DDB1: variants seen among roughly 807,000 people sequenced by gnomAD.
The protein encoded by DDB1 is DNA damage-binding protein 1.
DDB1 carries 18 observed loss-of-function variants against 133.1 expected under a neutral mutation model. The ratio of observed to expected loss-of-function variants is 0.14; its 90% CI spans 0.09 to 0.20. DDB1 has a LOEUF of 0.20. Ranked by LOEUF, DDB1 falls within the 10% of genes least tolerant of loss-of-function variation. DDB1 has a pLI of 1.00. For missense variants in DDB1, 828 were observed against 1,459.2 expected (o/e 0.57, Z 7.05); for synonymous variants, 580 against 550.5 (o/e 1.05, Z -0.75).
Position 61,314,247 on chromosome 11 carries a change from A to G in DDB1, c.1590-37T>C, listed in dbSNP as rs767138012. 8.2e-6 allele frequency: 13 copies of G among 1,590,752 alleles called. No homozygotes were observed. In the South Asian group the frequency reaches 1.3e-4, roughly 15 times the overall value. On this transcript the variant is annotated intron_variant, in intron 13 of 26. Transcript: ENST00000301764. ...AGAATATGGCAGAGGAAGGAATCCA[A>G]GGCTCAAAGAAGTCCTAGAGAAAAG...
At chr11:61,300,246 T>A in intron 26 of DDB1, 27 bp from the exon 27 acceptor site, 1 of 1,610,832 alleles carries the variant, frequency 6.2e-7, no homozygotes, top group East Asian at 2.2e-5. Context: ...GGCGGGGCTG[T>A]GAGGACCAAG....
At chr11:61,304,820 G>C (rs923153663) in intron 21 of DDB1, among the ~76,000 whole-genome samples, 1 of 151,382 alleles carries the variant, frequency 6.6e-6, no homozygotes, top group Non-Finnish European at 1.5e-5. Context: ...GGAGCTTGCA[G>C]TGAGCCAAGA....
intron 6 of DDB1, among the ~76,000 whole-genome samples, chr11:61,324,809 T>C (rs943423790): frequency 1.3e-5 from 2 of 152,238 alleles, no homozygotes; most frequent in Non-Finnish European, 2.9e-5. Flanking sequence ...ATCAATATAT[T>C]ACTTTATATG....
In DDB1 at chr11:61,310,323, T is replaced by C. The variant is rs41553012; in HGVS notation, c.2373A>G (p.Leu791=). 6.6e-5 allele frequency: 107 copies of C among 1,611,888 alleles called. No homozygotes were observed. Among genetic ancestry groups the C allele is most frequent in the African/African-American group, 9.4e-5 (7 of 74,838 alleles). The change falls in exon 19 of 27, where the codon CTA becomes CTG. Residue 791 remains leucine (L), a synonymous_variant. Coordinates refer to ENST00000301764, the MANE Select transcript of DDB1 (RefSeq NM_001923.5). ...CAAAGGTGTGTTGGTCAATGATAAG[T>C]AGGTTGTGCACCTCCACCTCTTCTC... The part of the protein sequence containing the change: ...SFGEEVEVHN[L]LIIDQHTFEV...
intron 12 of DDB1, chr11:61,315,589 C>G (rs1269268050): frequency 6.6e-6 from 1 of 152,202 alleles, no homozygotes; most frequent in Non-Finnish European, 1.5e-5. Flanking sequence ...ACTCCAGTGC[C>G]CTACCCACCA....
At chr11:61,322,610 G>C (rs117147037) in intron 8 of DDB1, 198 bp from the exon 9 acceptor site, 1 of 579,610 alleles carries the variant, frequency 1.7e-6, no homozygotes, top group South Asian at 2.2e-5. Context: ...AATCAGCCAA[G>C]GATTGCTGAC....
At chr11:61,311,760 T>C (rs951901226) in intron 18 of DDB1, 24 bp downstream of exon 18, 1 of 1,595,920 alleles carries the variant, frequency 6.3e-7, no homozygotes, top group South Asian at 1.1e-5. Flanking sequence ...TCTAAGGTCA[T>C]CTTTCTTTGT....
At chr11:61,311,252 AATAACAAAC>A (rs1381999516) in intron 18 of DDB1, 1 of 149,714 alleles carries the variant, frequency 6.7e-6, no homozygotes. Context: ...ACTCCGTCTC[AATAACAAAC>A]ATAACATAAC....
chr11:61,324,172 A>G, intron 6 of DDB1, 35 bp from the exon 7 acceptor site: 1 of 1,612,914 alleles, frequency 6.2e-7, no homozygotes, highest in Non-Finnish European at 8.5e-7. Flanking sequence ...TTAGAGATTC[A>G]GCATCTTCTA....
Position 61,314,352 on chromosome 11 carries a change from G to C in DDB1, c.1545C>G (p.Ala515=). The change falls in exon 13 of 27, where the codon GCC becomes GCG. Residue 515 remains alanine, a synonymous_variant. Coordinates refer to ENST00000301764, the MANE Select transcript of DDB1 (RefSeq NM_001923.5). ...SSQVVVAVGR[A]LYYLQIHPQE... is the part of the protein sequence containing the mutation. ...GAGGATGGATCTGCAGATAGTAGAGGGCCCTGCCTACAGCCACCACCACCT... is the reference window on the plus strand; with the variant it reads ...GAGGATGGATCTGCAGATAGTAGAGCGCCCTGCCTACAGCCACCACCACCT... 1 of 1,614,092 alleles carries C rather than the reference G, an allele frequency of 6.2e-7. No individual in the cohort carries two copies. Among genetic ancestry groups the C allele is most frequent in the Non-Finnish European group, 8.5e-7 (1 of 1,179,992 alleles).
In DDB1 at chr11:61,300,909, C is replaced by T. The variant is rs1855781915; in HGVS notation, c.3239G>A (p.Arg1080Gln). The T allele has an allele frequency of 2.5e-6, 4 of 1,614,030 alleles. No homozygotes were observed. Among genetic ancestry groups the T allele is most frequent in the Admixed American group, 1.7e-5 (1 of 59,996 alleles). Residue 1080 changes from arginine (R) to glutamine (Q), a missense_variant, in exon 26 of 27, where the codon CGG becomes CAG. Around this residue, in one of 7 missense-constraint regions of DDB1, gnomAD observed 116 missense variants for 221.6 expected, o/e 0.52. Coordinates refer to ENST00000301764, the MANE Select transcript of DDB1 (RefSeq NM_001923.5). ...HSFWRSFHTE[R>Q]KTEPATGFID... ...GAAACCTGTGGCTGGTTCTGTCTTC[C>T]GCTCGGTGTGAAAGGATCTCCAGGT...
chr11:61,302,932 C>G (rs1196890723), intron 23 of DDB1, 114 bp downstream of exon 23: 1 of 1,292,186 alleles, frequency 7.7e-7, no homozygotes, highest in Non-Finnish European at 1.1e-6. Context: ...GAGGAAAGTT[C>G]TATCTCTGTA....
At position 61,326,642 on chromosome 11, in the gene DDB1, T is replaced by C. The variant is rs894500144; in HGVS notation, c.664+137A>G. The C allele has an allele frequency of 1.1e-5, 8 of 760,760 alleles. No individual in the cohort carries two copies. In the Admixed American group the frequency reaches 1.4e-4, roughly 14 times the overall value. The allele number at this position is 760,760 out of a possible 1,614,324, so 47.1% of individuals were successfully genotyped here. ...AAAGCACAATTAGAGAAAGAAAACA[T>C]AAAGGAGTGGTAAACAATGCACACC... is the stretch of plus-strand genomic sequence containing the variant. On this transcript the variant is annotated intron_variant, in intron 5 of 26. Coordinates refer to ENST00000301764, the MANE Select transcript of DDB1 (RefSeq NM_001923.5).
intron 12 of DDB1, 23 bp downstream of exon 12, chr11:61,316,262 C>A: frequency 1.2e-6 from 2 of 1,606,658 alleles, no homozygotes; most frequent in Middle Eastern, 1.7e-4. Flanking sequence ...TATGGTAACA[C>A]CTGCCCCTTT....
chr11:61,329,853 A>C (rs545573541), intron 3 of DDB1, 105 bp downstream of exon 3: 1 of 1,013,946 alleles, frequency 9.9e-7, no homozygotes, highest in African/African-American at 1.6e-5. Flanking sequence ...TCTTCTCCTT[A>C]TTTCTCTGAT....
chr11:61,329,642 C>G, intron 3 of DDB1, 58 bp from the exon 4 acceptor site: 1 of 1,497,704 alleles, frequency 6.7e-7, no homozygotes, highest in Non-Finnish European at 9.1e-7. Flanking sequence ...CAACAGAGGA[C>G]GCTGGGCACC....
At chr11:61,309,215 C>T (rs1165372326) in intron 20 of DDB1, 138 bp from the exon 21 acceptor site, 7 of 734,704 alleles carry the variant, frequency 9.5e-6, no homozygotes, top group Non-Finnish European at 1.6e-5. Flanking sequence ...GACTCAGTAT[C>T]TACTGGAGTT....
In DDB1 at chr11:61,300,025, C is replaced by A; in HGVS notation, c.*111G>T. On this transcript the variant is annotated 3_prime_UTR_variant, in exon 27 of 27. Coordinates refer to ENST00000301764, the MANE Select transcript of DDB1 (RefSeq NM_001923.5). Reference sequence around the variant, plus strand: ...AGGGGAACTGTGGCTCTGGGGGCAGCTGGCTTAGGGAAAGGCCTCCCATGG... The same window carrying A: ...AGGGGAACTGTGGCTCTGGGGGCAGATGGCTTAGGGAAAGGCCTCCCATGG... 1 of 1,050,918 alleles carries A rather than the reference C, an allele frequency of 9.5e-7. No homozygotes were observed. The highest frequency in any genetic ancestry group is 1.6e-5 in the African/African-American group (1 of 64,070). 65.1% of individuals were successfully genotyped at this position (1,050,918 alleles called of 1,614,324 possible). A position where few individuals can be genotyped will look rare whatever the true frequency, so the allele number is the denominator to read the frequency against.
At chr11:61,311,625 T>C (rs750352229) in intron 18 of DDB1, among the ~76,000 whole-genome samples, 159 bp downstream of exon 18, 2 of 152,194 alleles carry the variant, frequency 1.3e-5, no homozygotes, top group Non-Finnish European at 2.9e-5. Flanking sequence ...TGCTCACCTG[T>C]TGCCTACAGC....
Sources: gnomAD v4.1 joint callset for allele counts (sites outside exome capture counted in the v4.1 genomes callset) on GRCh38, gnomAD v4.1.1 for gene constraint, gnomAD v4.1.1 regional missense constraint, MANE v1.5 for transcripts, NCBI Gene and HGNC (gene_info 2026-07-23, HGNC 2026-07-21) for gene names.